The following SGCD variants were observed in gnomAD, a reference collection of about 807,000 sequenced individuals.
SGCD encodes sarcoglycan delta.
Under a neutral mutation model 36.6 loss-of-function variants are expected in SGCD, and 18 were observed. The observed-to-expected ratio is 0.49, with a 90% CI of 0.34 to 0.73. The LOEUF (loss-of-function observed/expected upper bound fraction) is 0.73. Among genes scored for constraint, SGCD ranks in the 30% least tolerant of loss-of-function variants. The pLI is 0.01. For missense variants in SGCD, 387 were observed against 346.7 expected (o/e 1.12, Z -0.92); for synonymous variants, 133 against 130.6 (o/e 1.02, Z -0.12).
At chr5:156,261,541 C>T (rs115246025) in intron 3 of SGCD, among the ~76,000 whole-genome samples, 2,126 of 152,278 alleles carry the variant, frequency 0.014, 23 homozygotes, top group Non-Finnish European at 0.024. Context: ...CCTGCACTGC[C>T]ATTATCTAAA....
intron 1 of SGCD, among the ~76,000 whole-genome samples, chr5:156,078,330 A>G (rs1430667618): frequency 1.3e-5 from 2 of 151,528 alleles, no homozygotes; most frequent in African/African-American, 4.9e-5. Flanking sequence ...CCTGGCCAAC[A>G]TGATGAAACC....
intron 1 of SGCD, among the ~76,000 whole-genome samples, chr5:155,963,641 T>C (rs373149907): frequency 1.3e-5 from 2 of 152,098 alleles, no homozygotes; most frequent in Admixed American, 6.6e-5. Flanking sequence ...ATTATAGAGC[T>C]AAGAAAACTG....
At chr5:156,643,585 G>A (rs1327596076) in intron 6 of SGCD, among the ~76,000 whole-genome samples, 1 of 151,972 alleles carries the variant, frequency 6.6e-6, no homozygotes, top group Admixed American at 6.6e-5. Flanking sequence ...CCACCCAAAT[G>A]GAGAAATAAT....
chr5:156,128,778 A>G lies in SGCD; in HGVS notation c.-44+4759A>G, dbSNP rs576781731. ...CCTTCTGCCATGATTGTAAGTTTCCAGAACTGTGAGTCAATTAAACCTCTT... is the reference window on the plus strand; with the variant it reads ...CCTTCTGCCATGATTGTAAGTTTCCGGAACTGTGAGTCAATTAAACCTCTT... On this transcript the variant is annotated intron_variant, in intron 3 of 9. Coordinates refer to the SGCD transcript ENST00000517913. Among the ~76,000 whole-genome samples, 56 of 152,268 alleles carry G rather than the reference A, an allele frequency of 3.7e-4. 2 individuals are homozygous for G. Among genetic ancestry groups the G allele is most frequent in the African/African-American group, 1.3e-3 (52 of 41,570 alleles).
At chr5:156,750,026 C>G (rs1348928805) in intron 7 of SGCD, among the ~76,000 whole-genome samples, 2 of 151,968 alleles carry the variant, frequency 1.3e-5, no homozygotes, top group Admixed American at 6.6e-5. Context: ...CAAAGTTGGG[C>G]TCAAGCCAAA....
intron 3 of SGCD, among the ~76,000 whole-genome samples, chr5:156,378,599 C>G (rs2127745747): frequency 6.6e-6 from 1 of 152,194 alleles, no homozygotes; most frequent in Admixed American, 6.5e-5. Context: ...CAATAAGCTC[C>G]CAGTATGTTT....
At chr5:156,389,898 T>C (rs1771474187) in intron 3 of SGCD, among the ~76,000 whole-genome samples, 2 of 91,766 alleles carry the variant, frequency 2.2e-5, no homozygotes, top group Admixed American at 9.9e-5. Context: ...TGGTATATAT[T>C]ATGTTACACA....
At chr5:155,794,786 C>T in the SGCD span, among the ~76,000 whole-genome samples, 1 of 151,872 alleles carries the variant, frequency 6.6e-6, no homozygotes, top group East Asian at 1.9e-4. Flanking sequence ...ATGAATGATT[C>T]AAATATGATA....
chr5:156,008,100 A>G (rs1266419709), intron 1 of SGCD, among the ~76,000 whole-genome samples: 4 of 152,136 alleles, frequency 2.6e-5, no homozygotes, highest in African/African-American at 7.2e-5. Context: ...CTAGTGTCCT[A>G]TGGCTGCTAT....
chr5:156,357,580 G>C (rs1247672458), intron 3 of SGCD, among the ~76,000 whole-genome samples: 1 of 152,010 alleles, frequency 6.6e-6, no homozygotes, highest in Non-Finnish European at 1.5e-5. Context: ...AAATTTTAAG[G>C]GGTCATACTA....
At chr5:156,022,008 C>A (rs997498749) in intron 1 of SGCD, among the ~76,000 whole-genome samples, 1 of 152,116 alleles carries the variant, frequency 6.6e-6, no homozygotes, top group African/African-American at 2.4e-5. Context: ...AAAAGAAACC[C>A]AGTATCTGTC....
In SGCD at chr5:156,765,425, A is replaced by G. The variant is rs531521171; in HGVS notation, c.*6035A>G. 9 of 152,214 alleles carry G rather than the reference A, an allele frequency of 5.9e-5. No homozygotes were observed. The East Asian group carries it at 1.5e-3, about 26-fold the overall frequency. 9.4% of individuals were successfully genotyped at this position (152,214 alleles called of 1,614,324 possible). ...TGGGGGGCCATAGATTCTTTTGACA[A>G]TCTGAGCCAATCTATGAAACTTCTC... On this transcript the variant is annotated 3_prime_UTR_variant, in exon 9 of 9. Transcript: ENST00000337851.
At chr5:155,966,106 G>A (rs1220120774) in intron 1 of SGCD, among the ~76,000 whole-genome samples, 1 of 152,066 alleles carries the variant, frequency 6.6e-6, no homozygotes, top group Admixed American at 6.6e-5. Flanking sequence ...AGACCTCTAG[G>A]AGTGTGTCGA....
At chr5:155,776,702 C>CAA in the SGCD span, among the ~76,000 whole-genome samples, 41,376 of 146,320 alleles carry the variant, frequency 0.28, 7,251 homozygotes, top group East Asian at 0.46. Flanking sequence ...TTGTACTTGA[C>CAA]TTTGGAAGAG....
intron 1 of SGCD, among the ~76,000 whole-genome samples, chr5:156,042,092 C>T (rs971294874): frequency 3.3e-5 from 5 of 152,094 alleles, no homozygotes; most frequent in African/African-American, 9.7e-5. Flanking sequence ...TAATGTGTTC[C>T]GTTCTTGTCT....
At chr5:156,365,594 A>G (rs1770053107) in intron 3 of SGCD, among the ~76,000 whole-genome samples, 1 of 152,166 alleles carries the variant, frequency 6.6e-6, no homozygotes, top group Admixed American at 6.5e-5. Context: ...CTTTCCCCAC[A>G]TACATATGCA....
In SGCD at chr5:156,725,360, A is replaced by G. The variant is rs74317875; in HGVS notation, c.576-32221A>G. On this transcript the variant is annotated intron_variant, in intron 7 of 8. Transcript: ENST00000337851. ...TTACTCTGAGGTTCTATGATTTATT[A>G]ATAGATATTATTAAAACCACTTGAG... Among the ~76,000 whole-genome samples, 620 of 152,328 alleles carry G rather than the reference A, an allele frequency of 4.1e-3. 5 individuals carry two copies. The highest frequency in any genetic ancestry group is 6.8e-3 in the Non-Finnish European group (461 of 68,028).
At chr5:156,021,290 A>G (rs1749420535) in intron 1 of SGCD, among the ~76,000 whole-genome samples, 1 of 152,208 alleles carries the variant, frequency 6.6e-6, no homozygotes. Flanking sequence ...TTGAGCATGT[A>G]TTGTATGACA....
chr5:156,763,538 G>A lies in SGCD; in HGVS notation c.*4148G>A, dbSNP rs1054266339. The stretch of plus-strand genomic sequence containing the variant: ...GTTTGGCTTTATTTCTAAGAATCTG[G>A]GTCTTCATTCTCTGGTGTAGAAGGA... On this transcript the variant is annotated 3_prime_UTR_variant, in exon 9 of 9. Coordinates refer to ENST00000337851, the MANE Select transcript of SGCD (RefSeq NM_000337.6). The A allele has an allele frequency of 6.6e-6, 1 of 152,148 alleles. No homozygotes were observed. The highest frequency in any genetic ancestry group is 2.4e-5 in the African/African-American group (1 of 41,406). 9.4% of individuals were successfully genotyped at this position (152,148 alleles called of 1,614,324 possible).
Sources: allele counts gnomAD v4.1 joint callset (sites outside exome capture counted in the v4.1 genomes callset), GRCh38; gene constraint gnomAD v4.1.1; transcripts MANE v1.5; gene names NCBI Gene and HGNC (gene_info 2026-07-23, HGNC 2026-07-21).